Variants in WDR41 observed in about 807,000 individuals in gnomAD.
WDR41 encodes WD repeat-containing protein 41.
In WDR41, 63 loss-of-function variants were observed where a neutral mutation model predicts 69.3. That is an observed-to-expected ratio of 0.91 (90% CI 0.74 to 1.12). The LOEUF (loss-of-function observed/expected upper bound fraction) is 1.12. Among genes scored for constraint, WDR41 ranks in the 50% most tolerant of loss-of-function variants. The pLI is 0.00. For synonymous variants in WDR41, 185 were observed against 192.1 expected, an observed-to-expected ratio of 0.96 and a Z score of 0.31; for missense variants, 543 against 534.5, an observed-to-expected ratio of 1.02 and a Z score of -0.16.
intron 1 of WDR41, among the ~76,000 whole-genome samples, chr5:77,573,264 T>G (rs1414551090): frequency 6.6e-6 from 1 of 151,364 alleles, no homozygotes; most frequent in Non-Finnish European, 1.5e-5. Context: ...TCTCTCTCTC[T>G]CTCTTTATTT....
intron 2 of WDR41, among the ~76,000 whole-genome samples, chr5:77,473,872 T>A (rs1800754845): frequency 6.6e-6 from 1 of 152,200 alleles, no homozygotes; most frequent in Non-Finnish European, 1.5e-5. Context: ...TGGAAGTCAG[T>A]GTGGCGATTC....
At chr5:77,490,655 G>C (rs1801734187) in intron 1 of WDR41, among the ~76,000 whole-genome samples, 1 of 151,810 alleles carries the variant, frequency 6.6e-6, no homozygotes, top group Non-Finnish European at 1.5e-5. Context: ...TTCTAGAAGA[G>C]ATTGTGGTGA....
chr5:77,524,826 T>C (rs1436710842), intron 1 of WDR41, among the ~76,000 whole-genome samples: 1 of 152,234 alleles, frequency 6.6e-6, no homozygotes, highest in Non-Finnish European at 1.5e-5. Flanking sequence ...GAGAGGACAG[T>C]CTTAGCCTAG....
Position 77,436,495 on chromosome 5 carries a change from T to C in WDR41, c.1094-101A>G, listed in dbSNP as rs772773009. On this transcript the variant is annotated intron_variant, in intron 11 of 12. Transcript: ENST00000296679. ...ATGTGAAGAGGTTCCAGACTTATTTTAGTCAAGGGCTAAGTGGACAGTACC... is the reference window on the plus strand; with the variant it reads ...ATGTGAAGAGGTTCCAGACTTATTTCAGTCAAGGGCTAAGTGGACAGTACC... 7 of 1,446,088 alleles carry C rather than the reference T, an allele frequency of 4.8e-6. No homozygotes were observed. In the African/African-American group the frequency reaches 5.7e-5, roughly 12 times the overall value. The allele number at this position is 1,446,088 out of a possible 1,614,324, so 89.6% of individuals were successfully genotyped here.
chr5:77,509,833 A>G (rs1291662250), intron 1 of WDR41, among the ~76,000 whole-genome samples: 6 of 152,238 alleles, frequency 3.9e-5, no homozygotes, highest in Non-Finnish European at 8.8e-5. Context: ...TGGGTAGATT[A>G]TATGATATGT....
chr5:77,470,543 ACG>A (rs769876850), intron 2 of WDR41, among the ~76,000 whole-genome samples: 1 of 151,956 alleles, frequency 6.6e-6, no homozygotes, highest in Admixed American at 6.5e-5. Context: ...CATCTCATGC[ACG>A]GAGACACACA....
rs1318693653 is a variant in WDR41, at chr5:77,433,191, T to C, written c.1324A>G (p.Ser442Gly). The C allele has an allele frequency of 6.2e-7, 1 of 1,613,908 alleles. No homozygotes were observed. Among genetic ancestry groups the C allele is most frequent in the Non-Finnish European group, 8.5e-7 (1 of 1,179,956 alleles). ...KNGERESGLR[S>G]LRLFQKLEEN... is the part of the protein sequence containing the mutation. ...TCTAATTTTTGAAATAATCTTAAAC[T>C]GCGCAATCCAGATTCTCGCTCTCCA... The change falls in exon 13 of 13, where the codon AGT (serine) becomes GGT (glycine). Residue 442 changes from serine (S) to glycine (G), a missense_variant. Ser to Gly is a moderately conservative substitution (Grantham distance 56). Coordinates refer to ENST00000296679, the MANE Select transcript of WDR41 (RefSeq NM_018268.4).
In WDR41 at chr5:77,432,429, CTG is replaced by C. The variant is rs1201631777; in HGVS notation, c.*704_*705del. 2 of 152,766 alleles carry C rather than the reference CTG, an allele frequency of 1.3e-5. No individual in the cohort carries two copies. Among genetic ancestry groups the C allele is most frequent in the South Asian group, 2.1e-4 (1 of 4,830 alleles). 9.5% of individuals were successfully genotyped at this position (152,766 alleles called of 1,614,324 possible). On this transcript the variant is annotated 3_prime_UTR_variant, in exon 13 of 13. Transcript: ENST00000296679. ...GCTGCAGTCCCTGACTCCGGAAACACTGTGCCTCTCAAATGATCTAGAGCTCA... is the reference window on the plus strand; with the variant it reads ...GCTGCAGTCCCTGACTCCGGAAACACTGCCTCTCAAATGATCTAGAGCTCA...
chr5:77,463,195 T>C lies in WDR41; in HGVS notation c.248A>G (p.His83Arg). The part of the protein sequence containing the change: ...TGEKLLELNG[H>R]TQKITAIITF... ...AATAATAGCTGTTATCTTTTGAGTG[T>C]GTCCATTCAGTTCTAAAAGTTTTTC... The change falls in exon 4 of 13, where the codon CAC becomes CGC. Residue 83 changes from histidine (H) to arginine (R), a missense_variant. Transcript: ENST00000296679. 12 of 1,611,842 alleles carry C rather than the reference T, an allele frequency of 7.4e-6. No homozygotes were observed. The highest frequency in any genetic ancestry group is 1.0e-5 in the Non-Finnish European group (12 of 1,179,018).
chr5:77,467,752 T>C (rs147668516), intron 2 of WDR41, among the ~76,000 whole-genome samples: 14 of 152,206 alleles, frequency 9.2e-5, no homozygotes, highest in African/African-American at 2.4e-4. Flanking sequence ...TCAAGGGCTC[T>C]GTGAAATAGA....
intron 1 of WDR41, among the ~76,000 whole-genome samples, chr5:77,565,798 C>T (rs2112265014): frequency 6.6e-6 from 1 of 152,236 alleles, no homozygotes; most frequent in Non-Finnish European, 1.5e-5. Flanking sequence ...ACTTCTCCTA[C>T]TACATTTTTA....
chr5:77,582,462 G>A (rs895245397), intron 1 of WDR41: 147 of 1,603,256 alleles, frequency 9.2e-5, no homozygotes, highest in Admixed American at 3.2e-4. Context: ...TAGAGCTGAA[G>A]ATCAAGCGCC....
At chr5:77,540,773 G>A (rs891389600) in intron 1 of WDR41, among the ~76,000 whole-genome samples, 3 of 151,458 alleles carry the variant, frequency 2.0e-5, no homozygotes, top group Non-Finnish European at 4.4e-5. Context: ...AAAGAAGGAA[G>A]GAAGGAAAGA....
chr5:77,583,824 C>A (rs1174823915), intron 1 of WDR41, among the ~76,000 whole-genome samples: 1 of 152,084 alleles, frequency 6.6e-6, no homozygotes, highest in Non-Finnish European at 1.5e-5. Context: ...AAATTACAGG[C>A]CAATATCTTT....
chr5:77,528,696 T>A (rs967471327), intron 1 of WDR41, among the ~76,000 whole-genome samples: 3 of 151,732 alleles, frequency 2.0e-5, no homozygotes, highest in Non-Finnish European at 3.0e-5. Flanking sequence ...GAGCAAGGCA[T>A]GTTTACTACA....
At chr5:77,558,111 A>AC (rs1271061782) in intron 1 of WDR41, among the ~76,000 whole-genome samples, 5 of 149,356 alleles carry the variant, frequency 3.3e-5, no homozygotes, top group Non-Finnish European at 7.4e-5. Flanking sequence ...AAAAAAAAAA[A>AC]AAAAACAAAA....
At chr5:77,503,791 A>G (rs181338235) in intron 1 of WDR41, among the ~76,000 whole-genome samples, 2 of 152,356 alleles carry the variant, frequency 1.3e-5, no homozygotes, top group Admixed American at 1.3e-4. Flanking sequence ...GGAAATAATG[A>G]CATGAAGGCA....
chr5:77,565,882 T>C (rs1743617288), intron 1 of WDR41, among the ~76,000 whole-genome samples: 1 of 152,180 alleles, frequency 6.6e-6, no homozygotes, highest in Non-Finnish European at 1.5e-5. Context: ...ATGTTTCTCC[T>C]GATAACATCT....
intron 1 of WDR41, among the ~76,000 whole-genome samples, chr5:77,576,468 A>G (rs915806463): frequency 6.6e-6 from 1 of 152,118 alleles, no homozygotes; most frequent in Non-Finnish European, 1.5e-5. Flanking sequence ...CCAGGGCAAC[A>G]CCATTTATGC....
Sources: allele counts gnomAD v4.1 joint callset (sites outside exome capture counted in the v4.1 genomes callset), GRCh38; gene constraint gnomAD v4.1.1; transcripts MANE v1.5; gene names NCBI Gene and HGNC (gene_info 2026-07-23, HGNC 2026-07-21).